Variants in ADAMTSL3 observed in about 807,000 individuals in gnomAD.
The protein encoded by ADAMTSL3 is ADAMTS like 3.
In ADAMTSL3, 128 loss-of-function variants were observed where a neutral mutation model predicts 201.7. The observed-to-expected ratio is 0.63, with a 90% CI of 0.55 to 0.73. The LOEUF (loss-of-function observed/expected upper bound fraction) is 0.73, where lower values mean the gene tolerates loss of function less well. Among genes scored for constraint, ADAMTSL3 ranks in the 30% least tolerant of loss-of-function variants. The pLI is 0.00. For synonymous variants in ADAMTSL3, 738 were observed against 748.4 expected, an observed-to-expected ratio of 0.99 and a Z score of 0.23; for missense variants, 1,990 against 2,119.6, an observed-to-expected ratio of 0.94 and a Z score of 1.20.
rs1171563316 is a variant in ADAMTSL3, at chr15:83,982,876, C to G, written c.3248C>G (p.Ala1083Gly). ...TTGAAGAATAAGCAGTTTGAAGCAG[C>G]AGTTAAACAAGGAGCATATAGCATG... ...WELKNKQFEA[A>G]VKQGAYSMDT... The change falls in exon 21 of 30, where the codon GCA becomes GGA. Residue 1083 changes from alanine to glycine, a missense_variant. Coordinates refer to ENST00000286744, the MANE Select transcript of ADAMTSL3 (RefSeq NM_207517.3). The G allele has an allele frequency of 6.2e-7, 1 of 1,613,996 alleles. No individual in the cohort carries two copies. Among genetic ancestry groups the G allele is most frequent in the East Asian group, 2.2e-5 (1 of 44,886 alleles).
intron 4 of ADAMTSL3, among the ~76,000 whole-genome samples, chr15:83,800,991 A>G (rs1394137103): frequency 6.6e-6 from 1 of 152,226 alleles, no homozygotes; most frequent in African/African-American, 2.4e-5. Flanking sequence ...AGTAGAATGG[A>G]GTCATTTCCC....
intron 3 of ADAMTSL3, among the ~76,000 whole-genome samples, chr15:83,769,348 C>T (rs2062941354): frequency 6.6e-6 from 1 of 152,146 alleles, no homozygotes; most frequent in Non-Finnish European, 1.5e-5. Flanking sequence ...ATGATTTGGA[C>T]TTACCCAACC....
At chr15:83,916,634 C>T (rs1009173185) in intron 16 of ADAMTSL3, among the ~76,000 whole-genome samples, 2 of 151,700 alleles carry the variant, frequency 1.3e-5, no homozygotes, top group Non-Finnish European at 2.9e-5. Context: ...AGGCAAAAAC[C>T]AAAATCCTTT....
intron 19 of ADAMTSL3, among the ~76,000 whole-genome samples, chr15:83,951,707 C>G (rs1596459549): frequency 1.3e-5 from 2 of 152,126 alleles, no homozygotes. Flanking sequence ...TTGGTCTGTT[C>G]AGGTTTTGGA....
At chr15:84,013,040 C>CT (rs973055717) in intron 23 of ADAMTSL3, among the ~76,000 whole-genome samples, 6 of 152,160 alleles carry the variant, frequency 3.9e-5, no homozygotes, top group Admixed American at 1.3e-4. Context: ...GAAATTTAGT[C>CT]TTTTTTTCAC....
At chr15:83,924,149 C>A in intron 17 of ADAMTSL3, 116 bp downstream of exon 17, 1 of 1,340,048 alleles carries the variant, frequency 7.5e-7, no homozygotes, top group Non-Finnish European at 1.0e-6. Flanking sequence ...TGTGCTAAGC[C>A]TGCTTCAGAG....
chr15:83,775,980 C>G (rs140734854), intron 4 of ADAMTSL3, among the ~76,000 whole-genome samples: 1 of 152,142 alleles, frequency 6.6e-6, no homozygotes, highest in Non-Finnish European at 1.5e-5. Context: ...GAAACCCTCA[C>G]GTAAACTTTG....
chr15:83,945,953 C>G (rs1308682436), intron 19 of ADAMTSL3: 1 of 152,196 alleles, frequency 6.6e-6, no homozygotes, highest in Non-Finnish European at 1.5e-5. Flanking sequence ...TAGGAATGGC[C>G]CTGGGTAGTG....
chr15:83,974,189 G>A (rs1019001142), intron 20 of ADAMTSL3, among the ~76,000 whole-genome samples: 2 of 152,120 alleles, frequency 1.3e-5, no homozygotes, highest in Admixed American at 6.6e-5. Context: ...TTTCTCAGTC[G>A]CACTTAATGT....
At chr15:83,917,421 A>G (rs8024128) in intron 16 of ADAMTSL3, among the ~76,000 whole-genome samples, 165 of 43,226 alleles carry the variant, frequency 3.8e-3, no homozygotes, top group Middle Eastern at 0.029. Flanking sequence ...AAGTGTGTGT[A>G]TGTATGTATG....
Position 84,014,493 on chromosome 15 carries a change from C to T in ADAMTSL3, c.3974-49C>T, listed in dbSNP as rs760862455. 3.2e-6 allele frequency: 5 copies of T among 1,546,384 alleles called. No individual in the cohort carries two copies. In the Admixed American group the frequency reaches 6.9e-5, roughly 21 times the overall value. On this transcript the variant is annotated intron_variant, in intron 23 of 29. Coordinates refer to ENST00000286744, the MANE Select transcript of ADAMTSL3 (RefSeq NM_207517.3). Reference sequence around the variant, plus strand: ...TGGTATTTGTCAAGTGGTTCTGTGGCCCTGTTCTTAAAGGAATTGCCTTTG... The same window carrying T: ...TGGTATTTGTCAAGTGGTTCTGTGGTCCTGTTCTTAAAGGAATTGCCTTTG...
rs752592403 is a variant in ADAMTSL3, at chr15:84,038,163, C to T, written c.*357C>T. On this transcript the variant is annotated 3_prime_UTR_variant, in exon 30 of 30. Transcript: ENST00000286744. ...GTAGACTAGCACAGAGTGGTACATC[C>T]TAAAAACTTGGGAAACACAGCAACC... 1.1e-5 allele frequency: 2 copies of T among 189,830 alleles called. No individual in the cohort carries two copies. Among genetic ancestry groups the T allele is most frequent in the Non-Finnish European group, 1.1e-5 (1 of 93,098 alleles). The allele number at this position is 189,830 out of a possible 1,614,324, so 11.8% of individuals were successfully genotyped here. A position where few individuals can be genotyped will look rare whatever the true frequency, so the allele number is the denominator to read the frequency against.
intron 23 of ADAMTSL3, among the ~76,000 whole-genome samples, chr15:84,013,881 A>G (rs892552115): frequency 6.6e-6 from 1 of 152,232 alleles, no homozygotes; most frequent in Non-Finnish European, 1.5e-5. Context: ...TTGGGGAAAG[A>G]AATTCTTTCA....
At chr15:83,734,708 C>T (rs1213006696) in intron 3 of ADAMTSL3, among the ~76,000 whole-genome samples, 1 of 152,154 alleles carries the variant, frequency 6.6e-6, no homozygotes, top group East Asian at 1.9e-4. Context: ...AAACCATAAA[C>T]CATCGTGGAG....
intron 4 of ADAMTSL3, among the ~76,000 whole-genome samples, chr15:83,799,728 G>A (rs985500821): frequency 6.6e-6 from 1 of 152,056 alleles, no homozygotes; most frequent in Non-Finnish European, 1.5e-5. Context: ...AGGGTGTTAC[G>A]AATGTTGTAA....
chr15:83,682,366 G>T (rs562949486), intron 2 of ADAMTSL3, among the ~76,000 whole-genome samples: 1 of 152,236 alleles, frequency 6.6e-6, no homozygotes, highest in African/African-American at 2.4e-5. Context: ...GTGGTATCCA[G>T]ACCAGAAGGT....
intron 4 of ADAMTSL3, among the ~76,000 whole-genome samples, chr15:83,797,816 G>A (rs373181385): frequency 2.0e-5 from 3 of 152,106 alleles, no homozygotes; most frequent in East Asian, 3.9e-4. Flanking sequence ...GAACAACCCC[G>A]CTCAGGTATA....
chr15:83,964,247 TAACCCAATGCAAGGAAGCTAAG>T (rs2067034427), intron 19 of ADAMTSL3, among the ~76,000 whole-genome samples: 1 of 152,118 alleles, frequency 6.6e-6, no homozygotes, highest in Non-Finnish European at 1.5e-5. Flanking sequence ...GAGCATGTTC[TAACCCAATGCAAGGAAGCTAAG>T]AACCTTGAAA....
intron 9 of ADAMTSL3, among the ~76,000 whole-genome samples, chr15:83,876,739 C>G (rs533144281): frequency 6.6e-6 from 1 of 152,140 alleles, no homozygotes; most frequent in South Asian, 2.1e-4. Flanking sequence ...TCAAGTGATT[C>G]TCTCACCTCA....
Sources: gnomAD v4.1 joint callset for allele counts (sites outside exome capture counted in the v4.1 genomes callset) on GRCh38, gnomAD v4.1.1 for gene constraint, MANE v1.5 for transcripts, NCBI Gene and HGNC (gene_info 2026-07-23, HGNC 2026-07-21) for gene names.